Variants in MPPED2 observed in about 807,000 individuals in gnomAD.
MPPED2 encodes the protein metallophosphoesterase domain containing 2.
MPPED2 carries 5 observed loss-of-function variants against 33.0 expected under a neutral mutation model. That is an observed-to-expected ratio of 0.15 (90% CI 0.08 to 0.32). The LOEUF is 0.32. Among genes scored for constraint, MPPED2 ranks in the 10% least tolerant of loss-of-function variants. The probability of loss-of-function intolerance (pLI) is 1.00; values close to 1 mark genes in which losing one functional copy is unlikely to be tolerated. For missense variants in MPPED2, 275 were observed against 372.1 expected, an observed-to-expected ratio of 0.74 and a Z score of 2.15; for synonymous variants, 136 against 141.9, an observed-to-expected ratio of 0.96 and a Z score of 0.29.
intron 1 of MPPED2, among the ~76,000 whole-genome samples, chr11:30,583,116 A>G (rs1169983094): frequency 9.1e-6 from 1 of 110,272 alleles, no homozygotes; most frequent in Non-Finnish European, 2.0e-5. Context: ...AAACACAAAC[A>G]CCTGGAAAAG....
chr11:30,414,305 A>G lies in MPPED2; in HGVS notation c.689T>C (p.Val230Ala). 1.2e-6 allele frequency: 2 copies of G among 1,613,846 alleles called. No homozygotes were observed. The highest frequency in any genetic ancestry group is 8.5e-7 in the Non-Finnish European group (1 of 1,179,858). ...RDWVPKELQR[V>A]GCVELLNTVQ... ...CGTGTTTAACAGCTCCACACAGCCC[A>G]CTCTTTGAAGCTCCTTTGGAACCCA... Residue 230 changes from valine to alanine, a missense_variant, in exon 6 of 7, where the codon GTG becomes GCG. Physicochemically the swap from Val to Ala is moderately conservative, Grantham distance 64. Coordinates refer to ENST00000358117, the MANE Select transcript of MPPED2 (RefSeq NM_001584.3).
At chr11:30,555,316 T>C (rs879930991) in intron 2 of MPPED2, among the ~76,000 whole-genome samples, 1 of 152,156 alleles carries the variant, frequency 6.6e-6, no homozygotes, top group Non-Finnish European at 1.5e-5. Flanking sequence ...TTACTTTATA[T>C]CTTACAGATA....
At chr11:30,522,737 T>C (rs908039316) in intron 3 of MPPED2, among the ~76,000 whole-genome samples, 1 of 152,184 alleles carries the variant, frequency 6.6e-6, no homozygotes, top group Non-Finnish European at 1.5e-5. Context: ...GCTATAATTA[T>C]GTCGTCTTCC....
At chr11:30,461,757 G>A (rs1318908632) in intron 4 of MPPED2, among the ~76,000 whole-genome samples, 1 of 152,176 alleles carries the variant, frequency 6.6e-6, no homozygotes, top group Non-Finnish European at 1.5e-5. Flanking sequence ...AAGAGTAAAT[G>A]TTCCTCCGGC....
At chr11:30,409,114 C>T (rs1224295372), downstream of MPPED2, among the ~76,000 whole-genome samples, 1 of 152,198 alleles carries the variant, frequency 6.6e-6, no homozygotes, top group Non-Finnish European at 1.5e-5. Context: ...CCCAGACGTA[C>T]TCTCAAGGGC....
chr11:30,530,623 T>C (rs1954469565), intron 3 of MPPED2, among the ~76,000 whole-genome samples: 1 of 152,086 alleles, frequency 6.6e-6, no homozygotes, highest in Non-Finnish European at 1.5e-5. Flanking sequence ...AAGGGACATG[T>C]TGCATTTGAA....
At chr11:30,534,627 A>G (rs369850476) in intron 3 of MPPED2, among the ~76,000 whole-genome samples, 1 of 152,228 alleles carries the variant, frequency 6.6e-6, no homozygotes, top group Non-Finnish European at 1.5e-5. Context: ...ATTCACTGCT[A>G]GTGAAACACA....
At chr11:30,522,574 G>A (rs548085566) in intron 3 of MPPED2, among the ~76,000 whole-genome samples, 34 of 152,118 alleles carry the variant, frequency 2.2e-4, no homozygotes, top group Non-Finnish European at 4.3e-4. Context: ...AATGGAGGCC[G>A]CCCACCAGTG....
At chr11:30,406,269 G>A (rs1006480711), downstream of MPPED2, among the ~76,000 whole-genome samples, 27 of 152,078 alleles carry the variant, frequency 1.8e-4, no homozygotes, top group African/African-American at 5.3e-4. Flanking sequence ...ACTATGTCAG[G>A]CCAAAACTGA....
chr11:30,551,357 G>A (rs942617553), intron 2 of MPPED2, among the ~76,000 whole-genome samples: 1 of 152,122 alleles, frequency 6.6e-6, no homozygotes, highest in African/African-American at 2.4e-5. Flanking sequence ...CATAGTCAGA[G>A]ATGCTATAAA....
intron 4 of MPPED2, among the ~76,000 whole-genome samples, chr11:30,478,618 A>C (rs1951328527): frequency 6.6e-6 from 1 of 152,138 alleles, no homozygotes; most frequent in East Asian, 1.9e-4. Context: ...TATCCATCTA[A>C]AAACAAATGT....
chr11:30,523,062 A>T (rs1217448450), intron 3 of MPPED2, among the ~76,000 whole-genome samples: 2 of 152,162 alleles, frequency 1.3e-5, no homozygotes, highest in African/African-American at 2.4e-5. Context: ...GGCACATGTA[A>T]TCACTAAGTG....
At chr11:30,538,958 C>T (rs1954953336) in intron 2 of MPPED2, among the ~76,000 whole-genome samples, 1 of 152,118 alleles carries the variant, frequency 6.6e-6, no homozygotes, top group Non-Finnish European at 1.5e-5. Flanking sequence ...CATGCCAAAG[C>T]CACTCTGTGA....
At chr11:30,531,382 G>A (rs1954517462) in intron 3 of MPPED2, among the ~76,000 whole-genome samples, 1 of 152,158 alleles carries the variant, frequency 6.6e-6, no homozygotes. Flanking sequence ...ACTGGGGAGA[G>A]ATGGAAAACA....
intron 4 of MPPED2, among the ~76,000 whole-genome samples, chr11:30,456,783 C>T (rs939553894): frequency 2.0e-5 from 3 of 152,094 alleles, no homozygotes; most frequent in Admixed American, 6.5e-5. Flanking sequence ...TTAAACAGTG[C>T]CATAATGGTT....
intron 3 of MPPED2, among the ~76,000 whole-genome samples, chr11:30,505,388 C>T (rs1952775602): frequency 6.6e-6 from 1 of 152,168 alleles, no homozygotes; most frequent in South Asian, 2.1e-4. Context: ...TGCTTCCCAA[C>T]CGAGTATCTC....
chr11:30,521,467 C>T (rs1953873790), intron 3 of MPPED2, among the ~76,000 whole-genome samples: 1 of 152,178 alleles, frequency 6.6e-6, no homozygotes, highest in Non-Finnish European at 1.5e-5. Context: ...AGTATCTCAA[C>T]ATCCAAGTGT....
intron 4 of MPPED2, among the ~76,000 whole-genome samples, chr11:30,432,356 A>G (rs1949117264): frequency 6.6e-6 from 1 of 151,768 alleles, no homozygotes; most frequent in South Asian, 2.1e-4. Flanking sequence ...GCAACTTTGC[A>G]TGAAAACAGA....
At chr11:30,413,127 C>A (rs138783844) in intron 6 of MPPED2, among the ~76,000 whole-genome samples, 30 of 152,306 alleles carry the variant, frequency 2.0e-4, no homozygotes, top group Non-Finnish European at 3.7e-4. Context: ...GCCCTTGGAG[C>A]AAACTGAATT....
Sources: allele counts gnomAD v4.1 joint callset (sites outside exome capture counted in the v4.1 genomes callset), GRCh38; gene constraint gnomAD v4.1.1; transcripts MANE v1.5; gene names NCBI Gene and HGNC (gene_info 2026-07-23, HGNC 2026-07-21).